UNC13C: variants seen among roughly 807,000 people sequenced by gnomAD.
UNC13C encodes the protein protein unc-13 homolog C.
In UNC13C, 174 loss-of-function variants were observed where a neutral mutation model predicts 245.4. The observed-to-expected ratio is 0.71, with a 90% CI of 0.63 to 0.80. UNC13C has a LOEUF of 0.80. Ranked by LOEUF, UNC13C falls within the 30% of genes least tolerant of loss-of-function variation. The pLI is 0.00. For missense variants in UNC13C, 2,829 were observed against 2,602.9 expected (o/e 1.09, Z -1.89); for synonymous variants, 992 against 895.1 (o/e 1.11, Z -1.93).
At chr15:53,981,141 AG>A (rs1893910841) in intron 1 of UNC13C, among the ~76,000 whole-genome samples, 1 of 152,156 alleles carries the variant, frequency 6.6e-6, no homozygotes, top group Admixed American at 6.6e-5. Context: ...CCGATTCTCC[AG>A]GCACTTTCAT....
the UNC13C span, among the ~76,000 whole-genome samples, chr15:53,956,030 A>G: frequency 6.6e-6 from 1 of 152,228 alleles, no homozygotes; most frequent in Non-Finnish European, 1.5e-5. Context: ...TTTGCAGAAT[A>G]TGGATGTAGC....
intron 26 of UNC13C, among the ~76,000 whole-genome samples, chr15:54,535,285 A>G (rs527722180): frequency 6.6e-6 from 1 of 152,312 alleles, no homozygotes; most frequent in African/African-American, 2.4e-5. Context: ...ATCATTATAT[A>G]ATGATAAAGG....
intron 4 of UNC13C, among the ~76,000 whole-genome samples, chr15:54,179,663 T>C (rs947304682): frequency 8.5e-5 from 13 of 152,066 alleles, no homozygotes; most frequent in African/African-American, 2.9e-4. Flanking sequence ...ATATGTGCAA[T>C]TGGAGTGCCA....
chr15:54,546,192 C>T (rs1425517138), intron 26 of UNC13C, among the ~76,000 whole-genome samples: 1 of 152,126 alleles, frequency 6.6e-6, no homozygotes, highest in East Asian at 1.9e-4. Context: ...AGCTGGAAAC[C>T]ATCATTCTCA....
chr15:53,856,968 T>A, the UNC13C span, among the ~76,000 whole-genome samples: 1 of 152,174 alleles, frequency 6.6e-6, no homozygotes, highest in Non-Finnish European at 1.5e-5. Flanking sequence ...GCTCCTGTAT[T>A]GGGTGCATAT....
At chr15:54,141,930 G>T (rs972347023) in intron 2 of UNC13C, among the ~76,000 whole-genome samples, 1 of 152,058 alleles carries the variant, frequency 6.6e-6, no homozygotes, top group East Asian at 1.9e-4. Context: ...ATCTGTAAGG[G>T]TCATCATTGA....
At chr15:54,120,164 T>C (rs1053334253) in intron 2 of UNC13C, among the ~76,000 whole-genome samples, 2 of 152,294 alleles carry the variant, frequency 1.3e-5, no homozygotes, top group East Asian at 1.9e-4. Context: ...ACACCAGGAC[T>C]TTTAAAGCTG....
At chr15:54,371,407 G>A (rs553578784) in intron 17 of UNC13C, among the ~76,000 whole-genome samples, 22 of 151,982 alleles carry the variant, frequency 1.4e-4, no homozygotes, top group African/African-American at 4.1e-4. Flanking sequence ...CTACTCTTCC[G>A]CCATTCTTGC....
intron 2 of UNC13C, among the ~76,000 whole-genome samples, chr15:54,087,019 C>A (rs1400948095): frequency 6.6e-6 from 1 of 152,086 alleles, no homozygotes. Context: ...CAGACGTGAG[C>A]CACTGCACCT....
chr15:54,270,585 A>G (rs573194884), intron 10 of UNC13C, among the ~76,000 whole-genome samples: 1 of 152,298 alleles, frequency 6.6e-6, no homozygotes, highest in East Asian at 1.9e-4. Context: ...TTTACACTAA[A>G]TATGACAGTA....
chr15:54,117,915 A>G (rs1477421014), intron 2 of UNC13C, among the ~76,000 whole-genome samples: 1 of 151,970 alleles, frequency 6.6e-6, no homozygotes, highest in Non-Finnish European at 1.5e-5. Flanking sequence ...TCTTTTCCCT[A>G]TTATATGTTC....
At chr15:54,435,442 C>T (rs549187259) in intron 19 of UNC13C, among the ~76,000 whole-genome samples, 134 of 152,060 alleles carry the variant, frequency 8.8e-4, no homozygotes, top group Non-Finnish European at 1.8e-3. Context: ...ATAGATGACA[C>T]TGGAAACTAT....
chr15:54,052,496 A>T (rs1020673592), intron 2 of UNC13C, among the ~76,000 whole-genome samples: 3 of 152,006 alleles, frequency 2.0e-5, no homozygotes, highest in Non-Finnish European at 4.4e-5. Context: ...TTTGATTTGC[A>T]TTTCTCTGAT....
chr15:54,585,234 G>A (rs1170975400), intron 30 of UNC13C, among the ~76,000 whole-genome samples: 1 of 152,174 alleles, frequency 6.6e-6, no homozygotes, highest in African/African-American at 2.4e-5. Flanking sequence ...GATCCTTCAT[G>A]AATGGCTTGG....
chr15:54,066,158 T>C (rs531928346), intron 2 of UNC13C, among the ~76,000 whole-genome samples: 47 of 152,308 alleles, frequency 3.1e-4, no homozygotes, highest in African/African-American at 1.1e-3. Flanking sequence ...TATCTCACTT[T>C]TGTGGTGTCA....
At chr15:53,944,088 A>C in the UNC13C span, among the ~76,000 whole-genome samples, 1 of 109,376 alleles carries the variant, frequency 9.1e-6, no homozygotes, top group African/African-American at 2.7e-5. Flanking sequence ...TCTTTTAGTT[A>C]GTTTATTTGG....
downstream of UNC13C, chr15:54,629,855 C>G (rs1020048425): frequency 6.6e-6 from 1 of 152,104 alleles, no homozygotes; most frequent in African/African-American, 2.4e-5. Context: ...CAATATATAT[C>G]AAAGCCTAAT....
chr15:54,391,234 G>A (rs919904547), intron 17 of UNC13C, among the ~76,000 whole-genome samples: 2 of 151,954 alleles, frequency 1.3e-5, no homozygotes, highest in East Asian at 1.9e-4. Flanking sequence ...TACATATGAC[G>A]ATAATTAATG....
chr15:54,454,306 G>T (rs1891350036), intron 19 of UNC13C, among the ~76,000 whole-genome samples: 1 of 152,092 alleles, frequency 6.6e-6, no homozygotes, highest in Admixed American at 6.5e-5. Flanking sequence ...GCGGGGTGCA[G>T]TGGCTCACGT....
Sources: allele counts gnomAD v4.1 joint callset (sites outside exome capture counted in the v4.1 genomes callset), GRCh38; gene constraint gnomAD v4.1.1; transcripts MANE v1.5; gene names NCBI Gene and HGNC (gene_info 2026-07-23, HGNC 2026-07-21).